The following DNAI7 variants were observed in gnomAD, a reference collection of about 807,000 sequenced individuals.
The protein encoded by DNAI7 is dynein axonemal intermediate chain 7.
A neutral mutation model predicts 86.6 loss-of-function variants in DNAI7; 78 were observed. The observed-to-expected ratio is 0.90, with a 90% CI of 0.75 to 1.09. The LOEUF (loss-of-function observed/expected upper bound fraction) is 1.09. Ranked by LOEUF, DNAI7 falls within the 50% of genes least tolerant of loss-of-function variation. The pLI is 0.00. For synonymous variants in DNAI7, 274 were observed against 273.0 expected, an observed-to-expected ratio of 1.00 and a Z score of -0.04; for missense variants, 753 against 810.2, an observed-to-expected ratio of 0.93 and a Z score of 0.86.
At chr12:25,141,856 T>C (rs910433499) in intron 9 of DNAI7, among the ~76,000 whole-genome samples, 4 of 151,716 alleles carry the variant, frequency 2.6e-5, no homozygotes, top group Non-Finnish European at 5.9e-5. Context: ...AAGGCCATAA[T>C]TTAAAAATCA....
intron 2 of DNAI7, among the ~76,000 whole-genome samples, chr12:25,165,732 C>T (rs1247828592): frequency 6.6e-6 from 1 of 152,210 alleles, no homozygotes; most frequent in Non-Finnish European, 1.5e-5. Context: ...GGAGCCTACC[C>T]ATTCCACATT....
chr12:25,188,031 C>A (rs1950193495), intron 2 of DNAI7, among the ~76,000 whole-genome samples: 1 of 152,102 alleles, frequency 6.6e-6, no homozygotes, highest in South Asian at 2.1e-4. Context: ...TGGTGTGGTC[C>A]AAAACCCTCA....
At chr12:25,113,923 T>C (rs960173900) in intron 13 of DNAI7, among the ~76,000 whole-genome samples, 1 of 145,772 alleles carries the variant, frequency 6.9e-6, no homozygotes, top group African/African-American at 2.5e-5. Flanking sequence ...ATGTAATTTC[T>C]TTCTTTCTTT....
chr12:25,154,149 G>A (rs1945881574), intron 6 of DNAI7, among the ~76,000 whole-genome samples, 170 bp downstream of exon 6: 1 of 151,906 alleles, frequency 6.6e-6, no homozygotes, highest in African/African-American at 2.4e-5. Flanking sequence ...GGAATTCTTA[G>A]GACTTGTAAA....
intron 9 of DNAI7, among the ~76,000 whole-genome samples, chr12:25,126,610 A>G (rs1942168137): frequency 6.6e-6 from 1 of 152,136 alleles, no homozygotes; most frequent in Non-Finnish European, 1.5e-5. Context: ...GTAGAGAGTG[A>G]TAACAATTAG....
rs10602859 is a variant in DNAI7 at position 25,112,399 on chromosome 12, G to GTTTT, written c.1612-464_1612-461dup. 1.8e-3 allele frequency among the ~76,000 whole-genome samples: 190 copies of GTTTT among 104,252 alleles called. 3 individuals carry two copies. The highest frequency in any genetic ancestry group is 5.8e-3 in the Middle Eastern group (1 of 172). 68.4% of individuals were successfully genotyped at this position (104,252 alleles called of 152,430 possible). A position where few individuals can be genotyped will look rare whatever the true frequency, so the allele number is the denominator to read the frequency against. On this transcript the variant is annotated intron_variant, in intron 13 of 15. Transcript: ENST00000395987. ...TGAAGGTGTATAGAATTCACATCTG[G>GTTTT]TTTTTTTTTTTTTTTTTTTTTTTTT... is the stretch of plus-strand genomic sequence containing the variant.
chr12:25,156,889 A>T (rs958027661), intron 4 of DNAI7, among the ~76,000 whole-genome samples: 6 of 152,232 alleles, frequency 3.9e-5, no homozygotes, highest in Admixed American at 1.3e-4. Context: ...TGATAATGCC[A>T]AATCATGTAT....
intron 12 of DNAI7, among the ~76,000 whole-genome samples, chr12:25,116,257 T>C (rs1433706900): frequency 6.6e-6 from 1 of 152,112 alleles, no homozygotes; most frequent in Non-Finnish European, 1.5e-5. Context: ...TAAAATTACA[T>C]TCACAAACTT....
intron 6 of DNAI7, among the ~76,000 whole-genome samples, chr12:25,150,842 A>G (rs750357856): frequency 6.6e-6 from 1 of 152,156 alleles, no homozygotes; most frequent in African/African-American, 2.4e-5. Flanking sequence ...ACAACAAAAT[A>G]TAACAACAAT....
chr12:25,110,269 T>C (rs768152283), intron 14 of DNAI7, 29 bp from the exon 15 acceptor site: 5 of 1,254,950 alleles, frequency 4.0e-6, no homozygotes, highest in South Asian at 2.4e-5. Context: ...ATAGAATTGA[T>C]CTTTGAGCCT....
chr12:25,127,178 C>G lies in DNAI7; in HGVS notation c.1003-3892G>C, dbSNP rs116613864. Among the ~76,000 whole-genome samples, 1,364 of 152,300 alleles carry G rather than the reference C, an allele frequency of 9.0e-3. 20 individuals are homozygous for G. Among genetic ancestry groups the G allele is most frequent in the African/African-American group, 0.031 (1,278 of 41,564 alleles). ...AGCACAAGCTCCTTAATTTTGATAA[C>G]TAGTCTAGAATGGGTTCCTGTAATT... On this transcript the variant is annotated intron_variant, in intron 9 of 15. Coordinates refer to ENST00000395987, the MANE Select transcript of DNAI7 (RefSeq NM_018272.5).
Position 25,112,613 on chromosome 12 carries a change from A to G in DNAI7, c.1612-674T>C, listed in dbSNP as rs1320245419. On this transcript the variant is annotated intron_variant, in intron 13 of 15. Transcript: ENST00000395987. ...AGTAGAGACAGGGTTTCACCGTGTTAGCCAGGATGGTCTCGATCTCCTGAC... is the reference window on the plus strand; with the variant it reads ...AGTAGAGACAGGGTTTCACCGTGTTGGCCAGGATGGTCTCGATCTCCTGAC... Among the ~76,000 whole-genome samples, 3 of 151,800 alleles carry G rather than the reference A, an allele frequency of 2.0e-5. No individual in the cohort carries two copies. The East Asian group carries it at 5.8e-4, about 29-fold the overall frequency.
Position 25,144,433 on chromosome 12 carries a change from C to T in DNAI7, c.934G>A (p.Gly312Arg), listed in dbSNP as rs192114445. 6.2e-6 allele frequency: 10 copies of T among 1,614,152 alleles called. No individual in the cohort carries two copies. Among genetic ancestry groups the T allele is most frequent in the Non-Finnish European group, 2.5e-6 (3 of 1,180,000 alleles). ...VEEESKQQER[G>R]SHLIQEEEIK... is the part of the protein sequence containing the mutation. Reference sequence around the variant, plus strand: ...TCTTCCTCCTGAATTAAGTGAGACCCTCTTTCTTGTTGTTTGGACTCTTCT... The same window carrying T: ...TCTTCCTCCTGAATTAAGTGAGACCTTCTTTCTTGTTGTTTGGACTCTTCT... Residue 312 changes from glycine (G) to arginine (R), a missense_variant, in exon 9 of 16, where the codon GGG becomes AGG. Coordinates refer to ENST00000395987, the MANE Select transcript of DNAI7 (RefSeq NM_018272.5).
intron 13 of DNAI7, 104 bp downstream of exon 13, chr12:25,114,552 A>C: frequency 1.5e-6 from 1 of 677,646 alleles, no homozygotes; most frequent in Non-Finnish European, 2.6e-6. Flanking sequence ...CTTATATTTC[A>C]ATATATAAAT....
At chr12:25,174,295 T>A (rs1948511061) in intron 2 of DNAI7, among the ~76,000 whole-genome samples, 1 of 143,072 alleles carries the variant, frequency 7.0e-6, no homozygotes, top group South Asian at 2.1e-4. Context: ...AGGTCCCAGC[T>A]ATTTATCTTT....
At chr12:25,123,789 T>G (rs976771031) in intron 9 of DNAI7, among the ~76,000 whole-genome samples, 7 of 152,138 alleles carry the variant, frequency 4.6e-5, no homozygotes, top group African/African-American at 1.7e-4. Context: ...TGCCACTAAC[T>G]TACCTTTCTG....
rs141728908 is a variant in DNAI7 at position 25,165,898 on chromosome 12, A to C, written c.22-4701T>G. Among the ~76,000 whole-genome samples, 947 of 152,042 alleles carry C rather than the reference A, an allele frequency of 6.2e-3. 10 individuals are homozygous for C. Among genetic ancestry groups the C allele is most frequent in the African/African-American group, 0.021 (884 of 41,430 alleles). ...TTAGTTATCCCCACCCGCCCAGTTC[A>C]CTTATTAGGCCGAGACACTTAAACT... On this transcript the variant is annotated intron_variant, in intron 2 of 15. Transcript: ENST00000395987.
intron 3 of DNAI7, among the ~76,000 whole-genome samples, chr12:25,160,101 TTC>T (rs1006551494): frequency 2.0e-5 from 3 of 152,118 alleles, no homozygotes; most frequent in African/African-American, 7.2e-5. Flanking sequence ...TGCTCCTAAT[TTC>T]TTTTTTTGTT....
chr12:25,142,591 T>C (rs1407726954), intron 9 of DNAI7, among the ~76,000 whole-genome samples: 1 of 152,192 alleles, frequency 6.6e-6, no homozygotes, highest in African/African-American at 2.4e-5. Flanking sequence ...AAAAAAATGC[T>C]TTAGCCATGT....
Sources: gnomAD v4.1 joint callset for allele counts (sites outside exome capture counted in the v4.1 genomes callset) on GRCh38, gnomAD v4.1.1 for gene constraint, MANE v1.5 for transcripts, NCBI Gene and HGNC (gene_info 2026-07-23, HGNC 2026-07-21) for gene names.